PXMP4: variants seen among roughly 807,000 people sequenced by gnomAD.
PXMP4 encodes peroxisomal membrane protein 4, also known as 24 kDa peroxisomal intrinsic membrane protein.
PXMP4 carries 16 observed loss-of-function variants against 21.6 expected under a neutral mutation model. The observed-to-expected ratio is 0.74, with a 90% CI of 0.50 to 1.13. The LOEUF is 1.13. Ranked by LOEUF, PXMP4 falls within the 50% of genes most tolerant of loss-of-function variation. The probability of loss-of-function intolerance (pLI) is 0.00; values close to 1 mark genes in which losing one functional copy is unlikely to be tolerated. For missense variants in PXMP4, 240 were observed against 277.7 expected, an observed-to-expected ratio of 0.86 and a Z score of 0.96; for synonymous variants, 127 against 123.8, an observed-to-expected ratio of 1.03 and a Z score of -0.17.
rs181636670 is a variant in PXMP4, at chr20:33,712,908, C to T, written c.176+1766G>A. Among the ~76,000 whole-genome samples, 295 of 152,290 alleles carry T rather than the reference C, an allele frequency of 1.9e-3. 3 individuals carry two copies. The highest frequency in any genetic ancestry group is 6.5e-3 in the African/African-American group (271 of 41,566). ...CTTCCCAAAGTGCTGGGATTACAGG[C>T]ATGAGCCACTGTGCCCAACCTAATC... On this transcript the variant is annotated intron_variant, in intron 2 of 3. Transcript: ENST00000409299.
In PXMP4 at chr20:33,705,210, G is replaced by A. The variant is rs12624912; in HGVS notation, c.*2496C>T. Reference sequence around the variant, plus strand: ...TCGCCATGTTGGCCAGGCTGGTCTCGAACTCCTGACCTCAGGTGATCCACC... The same window carrying A: ...TCGCCATGTTGGCCAGGCTGGTCTCAAACTCCTGACCTCAGGTGATCCACC... On this transcript the variant is annotated 3_prime_UTR_variant, in exon 4 of 4. Coordinates refer to ENST00000409299, the MANE Select transcript of PXMP4 (RefSeq NM_007238.5). 72,179 of 150,700 alleles carry A rather than the reference G, an allele frequency of 0.48. 17,765 individuals are homozygous for A. Among genetic ancestry groups the A allele is most frequent in the East Asian group, 0.75 (3,735 of 4,992 alleles). 9.3% of individuals were successfully genotyped at this position (150,700 alleles called of 1,614,324 possible).
intron 1 of PXMP4, among the ~76,000 whole-genome samples, chr20:33,717,627 G>A (rs1397337492): frequency 2.9e-5 from 3 of 103,460 alleles, no homozygotes; most frequent in East Asian, 3.4e-4. Context: ...GCGACAGAGC[G>A]AGACTCCGTC....
Position 33,702,773 on chromosome 20 carries a change from A to G in PXMP4, c.*4933T>C, listed in dbSNP as rs1417107213. 6.6e-6 allele frequency: 1 copy of G among 151,410 alleles called. No individual in the cohort carries two copies. The highest frequency in any genetic ancestry group is 1.5e-5 in the Non-Finnish European group (1 of 67,706). 9.4% of individuals were successfully genotyped at this position (151,410 alleles called of 1,614,324 possible). Reference sequence around the variant, plus strand: ...CACATATATATTTATTTATTTATTTATTTATTTTAGTCTTACATGTCAAAA... The same window carrying G: ...CACATATATATTTATTTATTTATTTGTTTATTTTAGTCTTACATGTCAAAA... On this transcript the variant is annotated 3_prime_UTR_variant, in exon 4 of 4. Transcript: ENST00000409299.
chr20:33,714,460 A>C (rs2018362796), intron 2 of PXMP4, among the ~76,000 whole-genome samples: 2 of 151,490 alleles, frequency 1.3e-5, no homozygotes, highest in South Asian at 4.2e-4. Flanking sequence ...CGGAGGTTGC[A>C]GTGAACCGAG....
In PXMP4 at chr20:33,705,880, CT is replaced by C. The variant is rs2018252082; in HGVS notation, c.*1825del. ...TCGGCTGTTATACTAGCTGTATTAC[CT>C]TGGGCAAGTTACTCTCCTCTCTGAT... On this transcript the variant is annotated 3_prime_UTR_variant, in exon 4 of 4. Coordinates refer to ENST00000409299, the MANE Select transcript of PXMP4 (RefSeq NM_007238.5). The C allele has an allele frequency of 6.6e-6, 1 of 152,054 alleles. No individual in the cohort carries two copies. Among genetic ancestry groups the C allele is most frequent in the African/African-American group, 2.4e-5 (1 of 41,430 alleles). 9.4% of individuals were successfully genotyped at this position (152,054 alleles called of 1,614,324 possible).
At chr20:33,713,403 T>A (rs1286626411) in intron 2 of PXMP4, among the ~76,000 whole-genome samples, 3 of 152,206 alleles carry the variant, frequency 2.0e-5, no homozygotes, top group Admixed American at 1.3e-4. Context: ...AATGTCACTT[T>A]CTCATAGCGG....
chr20:33,716,947 G>A (rs1210626913), intron 1 of PXMP4, among the ~76,000 whole-genome samples: 1 of 152,136 alleles, frequency 6.6e-6, no homozygotes, highest in African/African-American at 2.4e-5. Flanking sequence ...AGCTGAAGTG[G>A]GCAGATCATT....
intron 3 of PXMP4, among the ~76,000 whole-genome samples, chr20:33,709,638 G>A (rs905245569): frequency 7.9e-5 from 12 of 151,916 alleles, no homozygotes; most frequent in Non-Finnish European, 1.6e-4. Context: ...ACATGCAAAA[G>A]AGCCAAGAGC....
At chr20:33,710,850 G>A (rs1601204777) in intron 2 of PXMP4, 97 bp from the exon 3 acceptor site, 3 of 1,212,584 alleles carry the variant, frequency 2.5e-6, no homozygotes, top group Non-Finnish European at 3.4e-6. Flanking sequence ...CAAGGAGCTC[G>A]GAGTAATGCT....
chr20:33,716,412 G>A (rs749704708), intron 1 of PXMP4, among the ~76,000 whole-genome samples: 9 of 152,146 alleles, frequency 5.9e-5, no homozygotes, highest in East Asian at 1.9e-4. Context: ...ACTACCTGGC[G>A]TGCTCCTCCC....
rs374442082 is a variant in PXMP4 at position 33,718,633 on chromosome 20, G to A, written c.113+1462C>T. Among the ~76,000 whole-genome samples the A allele has an allele frequency of 4.6e-5, 7 of 151,684 alleles. No homozygotes were observed. In the East Asian group the frequency reaches 9.7e-4, roughly 21 times the overall value. ...GGAACCAGTTCTACCTGACTCTTGA[G>A]TGTCCATGGGAGCCAAGAGCCTGGC... On this transcript the variant is annotated intron_variant, in intron 1 of 3. Transcript: ENST00000409299.
intron 2 of PXMP4, 67 bp downstream of exon 2, chr20:33,714,607 G>C: frequency 6.8e-7 from 1 of 1,481,234 alleles, no homozygotes; most frequent in Non-Finnish European, 9.4e-7. Flanking sequence ...ACCCAGCTAA[G>C]AAGCTATTAC....
rs1390120677 is a variant in PXMP4 at position 33,705,780 on chromosome 20, G to C, written c.*1926C>G. 1.3e-5 allele frequency: 2 copies of C among 152,080 alleles called. No individual in the cohort carries two copies. Among genetic ancestry groups the C allele is most frequent in the African/African-American group, 4.8e-5 (2 of 41,400 alleles). 9.4% of individuals were successfully genotyped at this position (152,080 alleles called of 1,614,324 possible). A position where few individuals can be genotyped will look rare whatever the true frequency, so the allele number is the denominator to read the frequency against. On this transcript the variant is annotated 3_prime_UTR_variant, in exon 4 of 4. Coordinates refer to ENST00000409299, the MANE Select transcript of PXMP4 (RefSeq NM_007238.5). ...CTAACATTTGCATAGCATGGCTTAG[G>C]TTTCTAAATTTGAAACAAGGCACTG...
rs774139550 is a variant in PXMP4 at position 33,720,204 on chromosome 20, C to T, written c.4G>A (p.Ala2Thr). The T allele has an allele frequency of 1.2e-6, 2 of 1,609,746 alleles. No individual in the cohort carries two copies. Among genetic ancestry groups the T allele is most frequent in the South Asian group, 2.2e-5 (2 of 90,610 alleles). M[A>T]APPQLRALLV... ...AGAGCCCTTAGCTGCGGCGGGGCTG[C>T]CATAGTGCGGGCTGCGCGCAGGGTC... The change falls in exon 1 of 4, where the codon GCA becomes ACA. Residue 2 changes from alanine (A) to threonine (T), a missense_variant. Ala to Thr is a moderately conservative substitution (Grantham distance 58). Coordinates refer to ENST00000409299, the MANE Select transcript of PXMP4 (RefSeq NM_007238.5).
At position 33,707,614 on chromosome 20, in the gene PXMP4, T is replaced by C. The variant is rs2018271754; in HGVS notation, c.*92A>G. The C allele has an allele frequency of 6.7e-7, 1 of 1,493,366 alleles. No homozygotes were observed. Among genetic ancestry groups the C allele is most frequent in the Non-Finnish European group, 9.1e-7 (1 of 1,100,634 alleles). 92.5% of individuals were successfully genotyped at this position (1,493,366 alleles called of 1,614,324 possible). A position where few individuals can be genotyped will look rare whatever the true frequency, so the allele number is the denominator to read the frequency against. Reference sequence around the variant, plus strand: ...AACCCTGGGATAACACCAGTTGGAGTCTGAGGCCTATGATCTTGAGAAGGC... The same window carrying C: ...AACCCTGGGATAACACCAGTTGGAGCCTGAGGCCTATGATCTTGAGAAGGC... On this transcript the variant is annotated 3_prime_UTR_variant, in exon 4 of 4. Coordinates refer to ENST00000409299, the MANE Select transcript of PXMP4 (RefSeq NM_007238.5).
intron 1 of PXMP4, among the ~76,000 whole-genome samples, chr20:33,718,212 A>C (rs1476560379): frequency 6.6e-6 from 1 of 152,118 alleles, no homozygotes; most frequent in Non-Finnish European, 1.5e-5. Flanking sequence ...AAAGACTGGA[A>C]TCAAACCTGT....
intron 2 of PXMP4, among the ~76,000 whole-genome samples, chr20:33,711,733 T>C (rs557149398): frequency 3.9e-4 from 60 of 152,190 alleles, no homozygotes; most frequent in Middle Eastern, 3.4e-3. Flanking sequence ...GGCTCACACC[T>C]GTCATCCCAG....
chr20:33,718,204 A>C (rs953658312), intron 1 of PXMP4, among the ~76,000 whole-genome samples: 1 of 152,078 alleles, frequency 6.6e-6, no homozygotes, highest in Non-Finnish European at 1.5e-5. Flanking sequence ...AAAAAACAAA[A>C]GACTGGAATC....
intron 1 of PXMP4, among the ~76,000 whole-genome samples, chr20:33,716,904 A>G (rs1369034758): frequency 6.6e-6 from 1 of 152,196 alleles, no homozygotes; most frequent in Non-Finnish European, 1.5e-5. Context: ...AACTTTGTAA[A>G]AATGCATTTA....
Sources: allele counts gnomAD v4.1 joint callset (sites outside exome capture counted in the v4.1 genomes callset), GRCh38; gene constraint gnomAD v4.1.1; transcripts MANE v1.5; gene names NCBI Gene and HGNC (gene_info 2026-07-23, HGNC 2026-07-21).